Variants in HS3ST4 observed in about 807,000 individuals in gnomAD.
The protein encoded by HS3ST4 is heparan sulfate glucosamine 3-O-sulfotransferase 4.
HS3ST4 carries 17 observed loss-of-function variants against 29.2 expected under a neutral mutation model. That is an observed-to-expected ratio of 0.58 (90% CI 0.40 to 0.87). The LOEUF (loss-of-function observed/expected upper bound fraction) is 0.87. HS3ST4 is among the 40% of genes least tolerant of loss of function. HS3ST4 has a pLI of 0.00. For missense variants in HS3ST4, 627 were observed against 634.5 expected (o/e 0.99, Z 0.13); for synonymous variants, 314 against 285.7 (o/e 1.10, Z -1.00).
intron 1 of HS3ST4, among the ~76,000 whole-genome samples, chr16:25,756,550 TC>T (rs1463675833): frequency 6.6e-6 from 1 of 152,146 alleles, no homozygotes; most frequent in Non-Finnish European, 1.5e-5. Context: ...TTGAGTCCCT[TC>T]CCATGCTCTG....
chr16:25,861,370 A>G (rs1192751078), intron 1 of HS3ST4, among the ~76,000 whole-genome samples: 1 of 152,186 alleles, frequency 6.6e-6, no homozygotes, highest in Non-Finnish European at 1.5e-5. Context: ...TGAGCTGTCT[A>G]CCATGAAAAA....
chr16:26,117,325 A>G (rs1229874249), intron 1 of HS3ST4, among the ~76,000 whole-genome samples: 2 of 152,346 alleles, frequency 1.3e-5, no homozygotes, highest in South Asian at 2.1e-4. Flanking sequence ...AGAATTTCCA[A>G]TGAGCTGGTT....
chr16:25,717,628 C>T (rs1307498447), intron 1 of HS3ST4, among the ~76,000 whole-genome samples: 3 of 150,908 alleles, frequency 2.0e-5, no homozygotes, highest in Non-Finnish European at 2.9e-5. Context: ...GCTGGAAAAA[C>T]TAAAAGCTCA....
chr16:25,861,903 A>C (rs1295954562), intron 1 of HS3ST4, among the ~76,000 whole-genome samples: 2 of 152,120 alleles, frequency 1.3e-5, no homozygotes, highest in Non-Finnish European at 2.9e-5. Context: ...TGTAAGCATC[A>C]CTAATTTTTG....
intron 1 of HS3ST4, among the ~76,000 whole-genome samples, chr16:25,852,276 G>T (rs538400456): frequency 5.1e-4 from 78 of 152,062 alleles, no homozygotes; most frequent in African/African-American, 1.9e-3. Flanking sequence ...TGAAAGTCTG[G>T]TTTTTATTTC....
At chr16:25,827,915 T>A (rs1967236737) in intron 1 of HS3ST4, among the ~76,000 whole-genome samples, 2 of 152,308 alleles carry the variant, frequency 1.3e-5, no homozygotes, top group East Asian at 1.9e-4. Flanking sequence ...GAGCTCGTGT[T>A]GAAACCAAGT....
At chr16:26,028,705 A>G (rs1969502129) in intron 1 of HS3ST4, among the ~76,000 whole-genome samples, 1 of 152,128 alleles carries the variant, frequency 6.6e-6, no homozygotes, top group South Asian at 2.1e-4. Context: ...CTCCATGTGC[A>G]CTTCTTCTCT....
chr16:25,982,296 A>G (rs1465692088), intron 1 of HS3ST4, among the ~76,000 whole-genome samples: 1 of 152,190 alleles, frequency 6.6e-6, no homozygotes, highest in Non-Finnish European at 1.5e-5. Flanking sequence ...TTACTCTTTG[A>G]CAAATAGCCA....
At chr16:25,943,652 A>G (rs935539809) in intron 1 of HS3ST4, among the ~76,000 whole-genome samples, 1 of 152,114 alleles carries the variant, frequency 6.6e-6, no homozygotes, top group Non-Finnish European at 1.5e-5. Context: ...AGAATACCAA[A>G]CTCCATTACG....
chr16:25,993,467 C>T (rs1289388494), intron 1 of HS3ST4, among the ~76,000 whole-genome samples: 1 of 151,954 alleles, frequency 6.6e-6, no homozygotes, highest in South Asian at 2.1e-4. Flanking sequence ...TGTGGGGCAT[C>T]CCTAGTTCTT....
intron 1 of HS3ST4, among the ~76,000 whole-genome samples, chr16:26,118,752 G>C (rs760403347): frequency 6.6e-6 from 1 of 152,098 alleles, no homozygotes; most frequent in Non-Finnish European, 1.5e-5. Flanking sequence ...CAAATGCCAG[G>C]TCCCTGCAGG....
At chr16:25,933,922 C>G (rs1968490542) in intron 1 of HS3ST4, among the ~76,000 whole-genome samples, 1 of 152,194 alleles carries the variant, frequency 6.6e-6, no homozygotes, top group Non-Finnish European at 1.5e-5. Context: ...ACTCAAACAC[C>G]AGGCCCCATC....
At chr16:26,119,352 T>C (rs533762646) in intron 1 of HS3ST4, among the ~76,000 whole-genome samples, 1 of 152,296 alleles carries the variant, frequency 6.6e-6, no homozygotes, top group South Asian at 2.1e-4. Context: ...GGCAGAGGAA[T>C]GATGGAGCGA....
At chr16:26,007,187 T>C (rs1275751226) in intron 1 of HS3ST4, among the ~76,000 whole-genome samples, 2 of 152,218 alleles carry the variant, frequency 1.3e-5, no homozygotes, top group African/African-American at 4.8e-5. Context: ...TAATTAGTAG[T>C]TGCCCCTTTA....
intron 1 of HS3ST4, among the ~76,000 whole-genome samples, chr16:25,834,807 T>C (rs4787765): frequency 0.88 from 133,621 of 152,070 alleles, 59,074 homozygotes; most frequent in Non-Finnish European, 0.93. Flanking sequence ...ATTAGCTGGG[T>C]GTGGGGGCAC....
chr16:25,902,907 G>A (rs375426191), intron 1 of HS3ST4, among the ~76,000 whole-genome samples: 10 of 152,094 alleles, frequency 6.6e-5, no homozygotes, highest in African/African-American at 2.4e-4. Context: ...AGACCAGCCT[G>A]GTCAACATGG....
intron 1 of HS3ST4, among the ~76,000 whole-genome samples, chr16:26,069,012 C>T (rs1306885643): frequency 1.3e-5 from 2 of 152,160 alleles, no homozygotes; most frequent in East Asian, 3.9e-4. Flanking sequence ...AGTGCAGTGA[C>T]TCAGTCACAA....
Position 25,691,992 on chromosome 16 carries a change from AAGTT to A in HS3ST4, c.-423_-420del, listed in dbSNP as rs1966250331. ...CGCGCCTCTCCTCTCTCCCGGCAGA[AAGTT>A]AGCAGCGGGGAAGGAACTCCGGGCT... On this transcript the variant is annotated 5_prime_UTR_variant, in exon 1 of 2. Transcript: ENST00000331351. 1 of 151,252 alleles carries A rather than the reference AAGTT, an allele frequency of 6.6e-6. No homozygotes were observed. The highest frequency in any genetic ancestry group is 2.0e-4 in the East Asian group (1 of 5,000). The allele number at this position is 151,252 out of a possible 1,614,324, so 9.4% of individuals were successfully genotyped here.
At position 25,702,383 on chromosome 16, in the gene HS3ST4, C is replaced by G. The variant is rs553452947; in HGVS notation, c.734+9232C>G. ...AAAAATACTGTGTGTATAGAACCAA[C>G]CAGAGAGACGAAATAACTAGGAATA... is the stretch of plus-strand genomic sequence containing the variant. On this transcript the variant is annotated intron_variant, in intron 1 of 1. Transcript: ENST00000331351. 2.0e-5 allele frequency among the ~76,000 whole-genome samples: 3 copies of G among 152,152 alleles called. No individual in the cohort carries two copies. The South Asian group carries it at 6.2e-4, about 32-fold the overall frequency.
Sources: gnomAD v4.1 joint callset for allele counts (sites outside exome capture counted in the v4.1 genomes callset) on GRCh38, gnomAD v4.1.1 for gene constraint, MANE v1.5 for transcripts, NCBI Gene and HGNC (gene_info 2026-07-23, HGNC 2026-07-21) for gene names.